NCAM1: variants seen among roughly 807,000 people sequenced by gnomAD.
NCAM1 encodes the protein neural cell adhesion molecule 1.
A neutral mutation model predicts 109.8 loss-of-function variants in NCAM1; 14 were observed. The observed-to-expected ratio is 0.13, with a 90% CI of 0.08 to 0.20. The LOEUF (loss-of-function observed/expected upper bound fraction) is 0.20, where lower values mean the gene tolerates loss of function less well. NCAM1 is among the 10% of genes least tolerant of loss of function. NCAM1 has a pLI of 1.00. For missense variants in NCAM1, 774 were observed against 1,109.9 expected, an observed-to-expected ratio of 0.70 and a Z score of 4.30; for synonymous variants, 418 against 442.9, an observed-to-expected ratio of 0.94 and a Z score of 0.70.
chr11:113,278,181 G>GAC lies in NCAM1; in HGVS notation c.*2795_*2796insCA, dbSNP rs1946443753. ...AACTCTATTTTCACACTTTTCTATGGAGCCTTCCGAGTCCCAGGTTTTCAC... is the reference window on the plus strand; with the variant it reads ...AACTCTATTTTCACACTTTTCTATGGACAGCCTTCCGAGTCCCAGGTTTTCAC... On this transcript the variant is annotated 3_prime_UTR_variant, in exon 20 of 20. Coordinates refer to ENST00000316851, the MANE Select transcript of NCAM1 (RefSeq NM_181351.5). 6.6e-6 allele frequency: 1 copy of GAC among 152,178 alleles called. No individual in the cohort carries two copies. The highest frequency in any genetic ancestry group is 2.4e-5 in the African/African-American group (1 of 41,420). 9.4% of individuals were successfully genotyped at this position (152,178 alleles called of 1,614,324 possible). A position where few individuals can be genotyped will look rare whatever the true frequency, so the allele number is the denominator to read the frequency against.
intron 1 of NCAM1, among the ~76,000 whole-genome samples, chr11:113,135,994 G>C (rs567246428): frequency 6.6e-6 from 1 of 152,208 alleles, no homozygotes; most frequent in African/African-American, 2.4e-5. Flanking sequence ...ACTTGCTCAG[G>C]ATTTTTATTT....
chr11:113,164,614 A>C (rs1345189435), intron 1 of NCAM1, among the ~76,000 whole-genome samples: 1 of 152,206 alleles, frequency 6.6e-6, no homozygotes, highest in African/African-American at 2.4e-5. Flanking sequence ...ATAAAGGATA[A>C]GGATATTACA....
intron 1 of NCAM1, among the ~76,000 whole-genome samples, chr11:113,173,879 A>G (rs1364113609): frequency 6.6e-6 from 1 of 151,972 alleles, no homozygotes; most frequent in Non-Finnish European, 1.5e-5. Context: ...ATGAGTAAAG[A>G]TGGTGGACTT....
In NCAM1 at chr11:113,233,069, A is replaced by G; in HGVS notation, c.1523-78A>G. ...CCAAGAGTGAGCAGAAATGACAGAG[A>G]TGTGCCTTGTGACTGAGAGTTAATG... is the stretch of plus-strand genomic sequence containing the variant. On this transcript the variant is annotated intron_variant, in intron 12 of 19. Coordinates refer to ENST00000316851, the MANE Select transcript of NCAM1 (RefSeq NM_181351.5). This position sits in a 1 kb window ranked among gnomAD's most constrained non-coding sequence, Gnocchi z 4.5. The G allele has an allele frequency of 7.2e-7, 1 of 1,391,678 alleles. No individual in the cohort carries two copies. Among genetic ancestry groups the G allele is most frequent in the Non-Finnish European group, 9.9e-7 (1 of 1,007,116 alleles). 86.2% of individuals were successfully genotyped at this position (1,391,678 alleles called of 1,614,324 possible).
In NCAM1 at chr11:113,275,830, G is replaced by A. The variant is rs1663678989; in HGVS notation, c.*443G>A. 6.5e-6 allele frequency: 1 copy of A among 154,306 alleles called. No homozygotes were observed. Among genetic ancestry groups the A allele is most frequent in the Non-Finnish European group, 1.4e-5 (1 of 69,326 alleles). The allele number at this position is 154,306 out of a possible 1,614,324, so 9.6% of individuals were successfully genotyped here. ...TTTCAGGCACTAAGACTAATCGAAT[G>A]AACAAAGTCCACAGTTTATTTTTAT... On this transcript the variant is annotated 3_prime_UTR_variant, in exon 20 of 20. Coordinates refer to ENST00000316851, the MANE Select transcript of NCAM1 (RefSeq NM_181351.5).
chr11:113,235,962 C>T (rs191978905), intron 14 of NCAM1, among the ~76,000 whole-genome samples: 28 of 152,238 alleles, frequency 1.8e-4, no homozygotes, highest in Non-Finnish European at 8.8e-5. Flanking sequence ...AAGAAGATAC[C>T]GTAGAACTAA....
At chr11:113,094,530 C>T (rs1316307814) in intron 1 of NCAM1, among the ~76,000 whole-genome samples, 1 of 152,182 alleles carries the variant, frequency 6.6e-6, no homozygotes, top group African/African-American at 2.4e-5. Flanking sequence ...TTCCATTGCT[C>T]TTCCACCCTC....
chr11:113,183,300 G>T (rs542155536), intron 1 of NCAM1, among the ~76,000 whole-genome samples: 1 of 152,332 alleles, frequency 6.6e-6, no homozygotes, highest in African/African-American at 2.4e-5. Flanking sequence ...CGGATGCCCT[G>T]CCACGTGTGC....
At chr11:112,998,261 T>C (rs1591229860) in intron 1 of NCAM1, among the ~76,000 whole-genome samples, 1 of 152,314 alleles carries the variant, frequency 6.6e-6, no homozygotes, top group African/African-American at 2.4e-5. Flanking sequence ...TAATTTCTAC[T>C]GAACTGTGGT....
At chr11:113,147,865 C>T (rs1430754602) in intron 1 of NCAM1, among the ~76,000 whole-genome samples, 2 of 152,144 alleles carry the variant, frequency 1.3e-5, no homozygotes, top group Non-Finnish European at 2.9e-5. Flanking sequence ...GAAAAATGCA[C>T]GGTTCAGAGG....
At chr11:113,232,149 A>G (rs372973623) in intron 10 of NCAM1, 21 bp from the exon 11 acceptor site, 79 of 1,561,856 alleles carry the variant, frequency 5.1e-5, no homozygotes, top group Non-Finnish European at 6.7e-5. Flanking sequence ...TCATCCTGAC[A>G]GTCATTGTTA....
At chr11:113,108,836 C>T (rs1204533687) in intron 1 of NCAM1, among the ~76,000 whole-genome samples, 3 of 148,170 alleles carry the variant, frequency 2.0e-5, no homozygotes, top group East Asian at 2.1e-4. Context: ...AGTGCAGTGG[C>T]GCGATCTTGG....
At chr11:113,050,847 CAGTT>C (rs1953460619) in intron 1 of NCAM1, among the ~76,000 whole-genome samples, 1 of 152,116 alleles carries the variant, frequency 6.6e-6, no homozygotes, top group Non-Finnish European at 1.5e-5. Flanking sequence ...GCAAATCATA[CAGTT>C]AAATATTCTT....
At position 112,963,477 on chromosome 11, in the gene NCAM1, G is replaced by GCC. The variant is rs1555064170; in HGVS notation, c.52+1814_52+1815dup. ...GCGTGCGCTGACCGGCCGACCGCGG[G>GCC]CCGGGGGCTCTACTGACGGCGGGGC... On this transcript the variant is annotated intron_variant, in intron 1 of 19. Coordinates refer to ENST00000316851, the MANE Select transcript of NCAM1 (RefSeq NM_181351.5). The surrounding 1 kb of genome is among the most constrained non-coding windows in gnomAD (Gnocchi z 4.6). The GCC allele has an allele frequency of 6.6e-6, 1 of 152,242 alleles. No homozygotes were observed. The highest frequency in any genetic ancestry group is 1.5e-5 in the Non-Finnish European group (1 of 68,128). 9.4% of individuals were successfully genotyped at this position (152,242 alleles called of 1,614,324 possible).
intron 1 of NCAM1, among the ~76,000 whole-genome samples, chr11:113,051,331 T>A (rs892449558): frequency 6.6e-6 from 1 of 152,170 alleles, no homozygotes; most frequent in Non-Finnish European, 1.5e-5. Context: ...GTTTCTTTTT[T>A]CCCCCAACAT....
Position 113,059,722 on chromosome 11 carries a change from C to T in NCAM1, c.52+98058C>T, listed in dbSNP as rs1242287408. ...CATCGGTCCAGGCAGTCACAGGGCC[C>T]GCCTCTTGATGGCAACACCACATTG... is the stretch of plus-strand genomic sequence containing the variant. On this transcript the variant is annotated intron_variant, in intron 1 of 19. Coordinates refer to ENST00000316851, the MANE Select transcript of NCAM1 (RefSeq NM_181351.5). Among the ~76,000 whole-genome samples the T allele has an allele frequency of 2.0e-5, 3 of 152,264 alleles. No individual in the cohort carries two copies. In the East Asian group the frequency reaches 5.8e-4, roughly 29 times the overall value.
intron 1 of NCAM1, among the ~76,000 whole-genome samples, chr11:113,106,204 A>C (rs1464933620): frequency 6.6e-6 from 1 of 152,210 alleles, no homozygotes; most frequent in African/African-American, 2.4e-5. Context: ...GGTCTCATTT[A>C]TGTGATGAGT....
At chr11:113,272,754 A>T (rs568117768) in intron 19 of NCAM1, among the ~76,000 whole-genome samples, 1 of 151,672 alleles carries the variant, frequency 6.6e-6, no homozygotes, top group African/African-American at 2.4e-5. Flanking sequence ...TCTTCTGCCC[A>T]CCTGGGCGTG....
intron 1 of NCAM1, among the ~76,000 whole-genome samples, chr11:112,976,973 CAGGT>C (rs57276270): frequency 0.14 from 20,579 of 151,512 alleles, 1,419 homozygotes; most frequent in African/African-American, 0.15. Context: ...GTGCAAACGT[CAGGT>C]AATTCTATGA....
Sources: allele counts gnomAD v4.1 joint callset (sites outside exome capture counted in the v4.1 genomes callset), GRCh38; gene constraint gnomAD v4.1.1; non-coding constraint Gnocchi (gnomAD v3.1); transcripts MANE v1.5; gene names NCBI Gene and HGNC (gene_info 2026-07-23, HGNC 2026-07-21).